Variants in CLSTN3 observed in about 807,000 individuals in gnomAD.
CLSTN3 encodes the protein calsyntenin-3.
In CLSTN3, 36 loss-of-function variants were observed where a neutral mutation model predicts 95.9. That is an observed-to-expected ratio of 0.38 (90% CI 0.29 to 0.50). The LOEUF (loss-of-function observed/expected upper bound fraction) is 0.50, where lower values mean the gene tolerates loss of function less well. Ranked by LOEUF, CLSTN3 falls within the 20% of genes least tolerant of loss-of-function variation. The pLI is 0.95. For missense variants in CLSTN3, 1,084 were observed against 1,268.8 expected, an observed-to-expected ratio of 0.85 and a Z score of 2.21; for synonymous variants, 481 against 504.0, an observed-to-expected ratio of 0.95 and a Z score of 0.61.
rs541004844 is a variant in CLSTN3 at position 7,146,397 on chromosome 12, C to A, written c.1848-2575C>A. On this transcript the variant is annotated intron_variant, in intron 12 of 17. Transcript: ENST00000266546. ...CCTGGGCGACAAAGCGAGACCCTGT[C>A]TCTAAAAAATTAGAGAGAGAGAAAA... 1.1e-3 allele frequency among the ~76,000 whole-genome samples: 173 copies of A among 152,070 alleles called. 1 individual carries two copies. Among genetic ancestry groups the A allele is most frequent in the Middle Eastern group, 6.8e-3 (2 of 294 alleles).
At chr12:7,148,158 AAG>A (rs1262272326) in intron 12 of CLSTN3, among the ~76,000 whole-genome samples, 1 of 39,790 alleles carries the variant, frequency 2.5e-5, no homozygotes, top group Non-Finnish European at 4.7e-5. Flanking sequence ...CTCCATCAAA[AAG>A]AAAGAAAGAA....
At chr12:7,131,534 A>G (rs2135792086) in intron 1 of CLSTN3, among the ~76,000 whole-genome samples, 1 of 152,116 alleles carries the variant, frequency 6.6e-6, no homozygotes, top group African/African-American at 2.4e-5. Context: ...GGAATGAGGA[A>G]AATCAGGAAA....
Position 7,150,646 on chromosome 12 carries a change from C to G in CLSTN3, c.2348C>G (p.Ser783Trp), listed in dbSNP as rs747617482. The G allele has an allele frequency of 1.2e-6, 2 of 1,614,024 alleles. No homozygotes were observed. Among genetic ancestry groups the G allele is most frequent in the Non-Finnish European group, 8.5e-7 (1 of 1,180,026 alleles). Residue 783 changes from serine (S) to tryptophan (W), a missense_variant, in exon 15 of 18, where the codon TCG becomes TGG. Physicochemically the swap from Ser to Trp is radical, Grantham distance 177. Transcript: ENST00000266546. This position sits in a 1 kb window ranked among gnomAD's most constrained non-coding sequence, Gnocchi z 4.0. ...LYTRKFRLSCSEMNGRYSSNE... is the reference protein window; with the variant it reads ...LYTRKFRLSCWEMNGRYSSNE... ...ACCAGGAAGTTCCGGCTTTCCTGCTCGGAAATGAATGGCCGTTACTCCAGC... is the reference window on the plus strand; with the variant it reads ...ACCAGGAAGTTCCGGCTTTCCTGCTGGGAAATGAATGGCCGTTACTCCAGC...
At chr12:7,139,733 C>T (rs925543242) in intron 8 of CLSTN3, among the ~76,000 whole-genome samples, 4 of 151,974 alleles carry the variant, frequency 2.6e-5, no homozygotes, top group Middle Eastern at 3.2e-3. Flanking sequence ...ACTGCAACCT[C>T]GGCCTCCCGG....
intron 12 of CLSTN3, among the ~76,000 whole-genome samples, chr12:7,148,752 C>T (rs925780635): frequency 2.6e-5 from 4 of 152,166 alleles, no homozygotes; most frequent in Non-Finnish European, 5.9e-5. Flanking sequence ...CTTCTGTCCT[C>T]GACATTTTCC....
At chr12:7,147,221 C>T (rs1482958727) in intron 12 of CLSTN3, among the ~76,000 whole-genome samples, 2 of 151,474 alleles carry the variant, frequency 1.3e-5, no homozygotes, top group Non-Finnish European at 2.9e-5. Context: ...CCAAATGGTG[C>T]CTGTGGTTTA....
chr12:7,155,348 T>G (rs1939796440), intron 16 of CLSTN3, among the ~76,000 whole-genome samples: 1 of 152,216 alleles, frequency 6.6e-6, no homozygotes, highest in Admixed American at 6.5e-5. Context: ...ATTTTGTCTT[T>G]CCTGTGGTCA....
chr12:7,151,142 C>T (rs1939718001), intron 16 of CLSTN3, 79 bp downstream of exon 16: 4 of 1,426,100 alleles, frequency 2.8e-6, no homozygotes, highest in African/African-American at 2.9e-5. Flanking sequence ...TCCCCCTCCA[C>T]CTCTGGGAGA....
chr12:7,151,123 C>G, intron 16 of CLSTN3, 60 bp downstream of exon 16: 1 of 1,468,172 alleles, frequency 6.8e-7, no homozygotes, highest in Admixed American at 2.5e-5. Context: ...TGTGTTGGGA[C>G]AGGTATCCTC....
chr12:7,153,454 C>G (rs1178348410), intron 16 of CLSTN3, among the ~76,000 whole-genome samples: 1 of 152,086 alleles, frequency 6.6e-6, no homozygotes, highest in Non-Finnish European at 1.5e-5. Context: ...CTTGCAGACG[C>G]CTTTTTCAGT....
chr12:7,136,251 C>G lies in CLSTN3; in HGVS notation c.788C>G (p.Ala263Gly), dbSNP rs752230806. Residue 263 changes from alanine (A) to glycine (G), a missense_variant, in exon 6 of 18, where the codon GCT becomes GGT. Ala to Gly is a moderately conservative substitution (Grantham distance 60). Transcript: ENST00000266546. Reference sequence around the variant, plus strand: ...TATGCACCAGGTGCTGGGAGCTTGGCTTTGTTCCCTGGTATCCGCCTGGAG... The same window carrying G: ...TATGCACCAGGTGCTGGGAGCTTGGGTTTGTTCCCTGGTATCCGCCTGGAG... ...IEYAPGAGSL[A>G]LFPGIRLETC... 28 of 1,614,086 alleles carry G rather than the reference C, an allele frequency of 1.7e-5. No homozygotes were observed. The highest frequency in any genetic ancestry group is 2.4e-5 in the Non-Finnish European group (28 of 1,180,040).
Position 7,135,514 on chromosome 12 carries a change from C to T in CLSTN3, c.571C>T (p.Pro191Ser). The change falls in exon 4 of 18, where the codon CCT becomes TCT. Residue 191 changes from proline to serine, a missense_variant. Pro to Ser is a moderately conservative substitution (Grantham distance 74). Coordinates refer to ENST00000266546, the MANE Select transcript of CLSTN3 (RefSeq NM_014718.4). ...CYYEILTPNT[P>S]FLIDNDGNIE... ...CTATGAGATTCTCACACCCAACACC[C>T]CTTTCCTCATTGACAATGACGGTGA... 1 of 1,614,108 alleles carries T rather than the reference C, an allele frequency of 6.2e-7. No individual in the cohort carries two copies. The highest frequency in any genetic ancestry group is 8.5e-7 in the Non-Finnish European group (1 of 1,180,010).
At chr12:7,135,671 C>A in intron 4 of CLSTN3, 133 bp from the exon 5 acceptor site, 1 of 1,347,982 alleles carries the variant, frequency 7.4e-7, no homozygotes, top group Non-Finnish European at 1.0e-6. Context: ...GGAGCCTTCT[C>A]CTCCCAGATG....
Position 7,133,831 on chromosome 12 carries a change from A to G in CLSTN3, c.383+63A>G, listed in dbSNP as rs936133979. On this transcript the variant is annotated intron_variant, in intron 3 of 17. Coordinates refer to ENST00000266546, the MANE Select transcript of CLSTN3 (RefSeq NM_014718.4). The surrounding 1 kb of genome is among the most constrained non-coding windows in gnomAD (Gnocchi z 4.7). ...GGTCCTCCTCCCTGCTCCCAAGCCC[A>G]CCATCCTCTGTCCGTGCGGTCATCG... 4 of 1,369,738 alleles carry G rather than the reference A, an allele frequency of 2.9e-6. No individual in the cohort carries two copies. The African/African-American group carries it at 4.4e-5, about 15-fold the overall frequency. 84.8% of individuals were successfully genotyped at this position (1,369,738 alleles called of 1,614,324 possible).
chr12:7,142,739 T>TTG, intron 10 of CLSTN3, 130 bp from the exon 11 acceptor site: 1 of 650,896 alleles, frequency 1.5e-6, no homozygotes, highest in Non-Finnish European at 2.4e-6. Context: ...TTTTTTTGGT[T>TTG]TCCACATTTC....
At chr12:7,139,841 G>C (rs1434945332) in intron 8 of CLSTN3, among the ~76,000 whole-genome samples, 1 of 152,020 alleles carries the variant, frequency 6.6e-6, no homozygotes. Context: ...TAGAGATGGG[G>C]TTTCACCATG....
In CLSTN3 at chr12:7,130,674, T is replaced by A; in HGVS notation, c.26T>A (p.Leu9Gln). 1 of 1,565,890 alleles carries A rather than the reference T, an allele frequency of 6.4e-7. No homozygotes were observed. The highest frequency in any genetic ancestry group is 2.3e-5 in the East Asian group (1 of 42,822). The stretch of plus-strand genomic sequence containing the variant: ...ATGACCCTCCTGCTGCTGCCCCTTC[T>A]GCTGGCCTCTCTGCTCGCGTCCTGC... Reference protein sequence around the residue: MTLLLLPLLLASLLASCSC... With the variant: MTLLLLPLQLASLLASCSC... Residue 9 changes from leucine to glutamine, a missense_variant, in exon 1 of 18, where the codon CTG becomes CAG. Physicochemically the swap from Leu to Gln is moderately radical, Grantham distance 113 (BLOSUM62 -2). Coordinates refer to ENST00000266546, the MANE Select transcript of CLSTN3 (RefSeq NM_014718.4).
chr12:7,150,652 T>C lies in CLSTN3; in HGVS notation c.2354T>C (p.Met785Thr). The C allele has an allele frequency of 6.2e-7, 1 of 1,614,052 alleles. No homozygotes were observed. The highest frequency in any genetic ancestry group is 8.5e-7 in the Non-Finnish European group (1 of 1,179,958). Residue 785 changes from methionine (M) to threonine (T), a missense_variant, in exon 15 of 18, where the codon ATG becomes ACG. Transcript: ENST00000266546. This position sits in a 1 kb window ranked among gnomAD's most constrained non-coding sequence, Gnocchi z 4.0. The part of the protein sequence containing the change: ...TRKFRLSCSE[M>T]NGRYSSNEFI... ...AAGTTCCGGCTTTCCTGCTCGGAAATGAATGGCCGTTACTCCAGCAATGAA... is the reference window on the plus strand; with the variant it reads ...AAGTTCCGGCTTTCCTGCTCGGAAACGAATGGCCGTTACTCCAGCAATGAA...
chr12:7,148,794 C>T (rs1939671546), intron 12 of CLSTN3, among the ~76,000 whole-genome samples, 178 bp from the exon 13 acceptor site: 1 of 152,174 alleles, frequency 6.6e-6, no homozygotes. Context: ...AGGATATGTC[C>T]CCCTTCAACT....
Sources: allele counts gnomAD v4.1 joint callset (sites outside exome capture counted in the v4.1 genomes callset), GRCh38; gene constraint gnomAD v4.1.1; non-coding constraint Gnocchi (gnomAD v3.1); transcripts MANE v1.5; gene names NCBI Gene and HGNC (gene_info 2026-07-23, HGNC 2026-07-21).